The following FAM161A variants were observed in gnomAD, a reference collection of about 807,000 sequenced individuals.
FAM161A encodes protein FAM161A.
A neutral mutation model predicts 70.9 loss-of-function variants in FAM161A; 57 were observed. The ratio of observed to expected loss-of-function variants is 0.80; its 90% confidence interval spans 0.65 to 1.00. FAM161A has a LOEUF of 1.00. FAM161A is among the 50% of genes least tolerant of loss of function. FAM161A has a pLI of 0.00. For missense variants in FAM161A, 880 were observed against 836.0 expected (o/e 1.05, Z -0.65); for synonymous variants, 299 against 295.7 (o/e 1.01, Z -0.12).
chr2:61,831,111 CA>C (rs11366022), intron 5 of FAM161A, among the ~76,000 whole-genome samples: 73,577 of 108,198 alleles, frequency 0.68, 23,461 homozygotes, highest in East Asian at 0.75. Context: ...GACGCCTTCT[CA>C]AAAAAAAAAA....
rs746372684 is a variant in FAM161A at position 61,838,725 on chromosome 2, G to T, written c.1584-20C>A. On this transcript the variant is annotated intron_variant, in intron 3 of 6. Coordinates refer to ENST00000404929, the MANE Select transcript of FAM161A (RefSeq NM_001201543.2). ...GATCTCCTGAGGGTAACAAACTAAG[G>T]CTTAATCCACTTTAAGCCAATCAGA... 1 of 1,549,106 alleles carries T rather than the reference G, an allele frequency of 6.5e-7. No homozygotes were observed. Among genetic ancestry groups the T allele is most frequent in the East Asian group, 2.3e-5 (1 of 43,898 alleles).
chr2:61,853,930 C>A lies in FAM161A; in HGVS notation c.112G>T (p.Ala38Ser), dbSNP rs760836880. Residue 38 changes from alanine (A) to serine (S), a missense_variant, in exon 1 of 7, where the codon GCC (alanine) becomes TCC (serine). Transcript: ENST00000404929. The stretch of plus-strand genomic sequence containing the variant: ...AAGATCGCCTCCGCTGCCGCCAGGG[C>A]CTTTAAGGGGTCTTCGCGTTCGTAC... ...AQYEREDPLK[A>S]LAAAEAILED... 56 of 1,613,792 alleles carry A rather than the reference C, an allele frequency of 3.5e-5. No homozygotes were observed. In the Admixed American group the frequency reaches 9.3e-4, roughly 27 times the overall value.
In FAM161A at chr2:61,836,022, T is replaced by C; in HGVS notation, c.1839A>G (p.Glu613=). The C allele has an allele frequency of 6.2e-7, 1 of 1,609,224 alleles. No homozygotes were observed. The highest frequency in any genetic ancestry group is 8.5e-7 in the Non-Finnish European group (1 of 1,177,310). ...EKLKKRPLLF[E]RVAQKNARMA... ...CAATAAACACAACCTGAGCAACTCTTTCAAATAGCAGTGGCCTCTTTTTTA... is the reference window on the plus strand; with the variant it reads ...CAATAAACACAACCTGAGCAACTCTCTCAAATAGCAGTGGCCTCTTTTTTA... The change falls in exon 5 of 7, where the codon GAA becomes GAG. Residue 613 remains glutamate, a synonymous_variant. Coordinates refer to ENST00000404929, the MANE Select transcript of FAM161A (RefSeq NM_001201543.2).
chr2:61,808,258 A>G, the FAM161A span, among the ~76,000 whole-genome samples: 1 of 149,120 alleles, frequency 6.7e-6, no homozygotes, highest in African/African-American at 2.5e-5. Flanking sequence ...AGACAGTGGG[A>G]AAGATTATTA....
chr2:61,850,240 T>C (rs895314864), intron 1 of FAM161A, among the ~76,000 whole-genome samples: 2 of 151,656 alleles, frequency 1.3e-5, no homozygotes, highest in African/African-American at 2.4e-5. Context: ...CTACTAAAAA[T>C]ACAAAATTAG....
chr2:61,816,954 C>G, the FAM161A span, among the ~76,000 whole-genome samples: 1 of 152,000 alleles, frequency 6.6e-6, no homozygotes, highest in East Asian at 1.9e-4. Context: ...GTCACACACC[C>G]GGAGTGGGAG....
chr2:61,827,349 G>T, intron 5 of FAM161A, 91 bp from the exon 6 acceptor site: 1 of 1,293,854 alleles, frequency 7.7e-7, no homozygotes. Context: ...GGTGGCTCAC[G>T]CCTGTAATCC....
intron 5 of FAM161A, among the ~76,000 whole-genome samples, chr2:61,830,193 G>A (rs775029707): frequency 5.0e-4 from 76 of 152,146 alleles, no homozygotes; most frequent in Non-Finnish European, 8.4e-4. Flanking sequence ...AAGGTATAAT[G>A]AATGGTTCTG....
the FAM161A span, among the ~76,000 whole-genome samples, chr2:61,814,235 T>C: frequency 6.6e-6 from 1 of 152,192 alleles, no homozygotes. Context: ...CCAGAACTTA[T>C]CCCCATTTTC....
intron 5 of FAM161A, among the ~76,000 whole-genome samples, chr2:61,835,052 G>C (rs1051507241): frequency 6.6e-6 from 1 of 152,146 alleles, no homozygotes; most frequent in African/African-American, 2.4e-5. Flanking sequence ...CTAGATCAGT[G>C]AGCAAAAAGA....
the FAM161A span, among the ~76,000 whole-genome samples, chr2:61,800,599 G>T: frequency 6.6e-6 from 1 of 152,148 alleles, no homozygotes; most frequent in African/African-American, 2.4e-5. Context: ...CACTGTTTGA[G>T]AGCTGAGAGT....
chr2:61,843,778 C>T (rs529325086), intron 1 of FAM161A, among the ~76,000 whole-genome samples: 11 of 151,980 alleles, frequency 7.2e-5, no homozygotes, highest in Admixed American at 2.0e-4. Context: ...TTTTTTAATA[C>T]GCTAAAATCA....
intron 1 of FAM161A, among the ~76,000 whole-genome samples, chr2:61,850,731 C>T (rs185786616): frequency 1.6e-4 from 25 of 152,070 alleles, no homozygotes; most frequent in Admixed American, 9.8e-4. Context: ...CCAGCCTGGA[C>T]AAGAGAGTGA....
At chr2:61,803,120 CATGACTACT>C in the FAM161A span, 1 of 430,360 alleles carries the variant, frequency 2.3e-6, no homozygotes, top group Non-Finnish European at 4.4e-6. Flanking sequence ...CTAGAAAGTT[CATGACTACT>C]TCAGAGGAAA....
the FAM161A span, among the ~76,000 whole-genome samples, chr2:61,803,853 G>A: frequency 6.6e-6 from 1 of 152,092 alleles, no homozygotes; most frequent in East Asian, 1.9e-4. Flanking sequence ...TGGGCGTGGT[G>A]GCTCATGCCT....
rs1344583260 is a variant in FAM161A, at chr2:61,825,061, T to TA, written c.*1393dup. The TA allele has an allele frequency of 2.2e-6, 1 of 453,852 alleles. No homozygotes were observed. The highest frequency in any genetic ancestry group is 2.0e-5 in the African/African-American group (1 of 50,004). The allele number at this position is 453,852 out of a possible 1,614,324, so 28.1% of individuals were successfully genotyped here. ...TGATGGAGAAAAATGACCTTATTTTTAAATTTAAAGCATAAATTGCCAGTT... is the reference window on the plus strand; with the variant it reads ...TGATGGAGAAAAATGACCTTATTTTTAAAATTTAAAGCATAAATTGCCAGTT... On this transcript the variant is annotated 3_prime_UTR_variant, in exon 7 of 7. Transcript: ENST00000404929.
chr2:61,831,523 G>C (rs903106948), intron 5 of FAM161A, among the ~76,000 whole-genome samples: 1 of 152,114 alleles, frequency 6.6e-6, no homozygotes, highest in African/African-American at 2.4e-5. Context: ...CTGACTTTAA[G>C]GGTCTCAAGG....
chr2:61,826,045 T>C lies in FAM161A; in HGVS notation c.*410A>G, dbSNP rs763062731. On this transcript the variant is annotated 3_prime_UTR_variant, in exon 7 of 7. Coordinates refer to ENST00000404929, the MANE Select transcript of FAM161A (RefSeq NM_001201543.2). Reference sequence around the variant, plus strand: ...AATGGGCAAATAGTATAATTAAAAATAGTTATTGATTCACACTTTCCAAAA... The same window carrying C: ...AATGGGCAAATAGTATAATTAAAAACAGTTATTGATTCACACTTTCCAAAA... 8.8e-6 allele frequency: 4 copies of C among 455,984 alleles called. No individual in the cohort carries two copies. The highest frequency in any genetic ancestry group is 4.7e-5 in the Admixed American group (2 of 42,584). The allele number at this position is 455,984 out of a possible 1,614,324, so 28.2% of individuals were successfully genotyped here. A position where few individuals can be genotyped will look rare whatever the true frequency, so the allele number is the denominator to read the frequency against.
intron 6 of FAM161A, among the ~76,000 whole-genome samples, 184 bp downstream of exon 6, chr2:61,826,920 G>A (rs1007061229): frequency 6.6e-6 from 1 of 152,092 alleles, no homozygotes; most frequent in Non-Finnish European, 1.5e-5. Flanking sequence ...TCATGTGAAC[G>A]TTAATGTGTC....
Sources: gnomAD v4.1 joint callset for allele counts (sites outside exome capture counted in the v4.1 genomes callset) on GRCh38, gnomAD v4.1.1 for gene constraint, MANE v1.5 for transcripts, NCBI Gene and HGNC (gene_info 2026-07-23, HGNC 2026-07-21) for gene names.